Variants in AACS observed in about 807,000 individuals in gnomAD.
AACS encodes the protein acetoacetate-CoA ligase.
A neutral mutation model predicts 83.1 loss-of-function variants in AACS; 69 were observed. The observed-to-expected ratio is 0.83, with a 90% CI of 0.68 to 1.01. The LOEUF is 1.01. Ranked by LOEUF, AACS falls within the 50% of genes least tolerant of loss-of-function variation. The probability of loss-of-function intolerance (pLI) is 0.00; values close to 1 mark genes in which losing one functional copy is unlikely to be tolerated. For missense variants in AACS, 866 were observed against 882.2 expected (o/e 0.98, Z 0.23); for synonymous variants, 333 against 343.4 (o/e 0.97, Z 0.33).
chr12:125,080,264 T>C (rs1819499393), intron 3 of AACS, among the ~76,000 whole-genome samples: 1 of 152,134 alleles, frequency 6.6e-6, no homozygotes, highest in African/African-American at 2.4e-5. Flanking sequence ...ACCCAATGTC[T>C]CAGACACTTC....
In AACS at chr12:125,113,375, A is replaced by G. The variant is rs1956990575; in HGVS notation, c.916-1102A>G. 6.6e-6 allele frequency among the ~76,000 whole-genome samples: 1 copy of G among 152,220 alleles called. No individual in the cohort carries two copies. Among genetic ancestry groups the G allele is most frequent in the African/African-American group, 2.4e-5 (1 of 41,460 alleles). On this transcript the variant is annotated intron_variant, in intron 8 of 17. Coordinates refer to ENST00000316519, the MANE Select transcript of AACS (RefSeq NM_023928.5). The surrounding 1 kb of genome is among the most constrained non-coding windows in gnomAD (Gnocchi z 4.8). The stretch of plus-strand genomic sequence containing the variant: ...TGGACCAGACTGAAGGGCAGTGGTC[A>G]CTGAAGGGGCAGCATCCCCGTCTGT...
intron 1 of AACS, among the ~76,000 whole-genome samples, chr12:125,067,634 CGCAGTTCTCCT>C (rs1955740318): frequency 6.6e-6 from 1 of 151,800 alleles, no homozygotes; most frequent in Non-Finnish European, 1.5e-5. Flanking sequence ...CCTGGGTTCA[CGCAGTTCTCCT>C]GCCTCAGCCT....
chr12:125,128,486 C>A, intron 13 of AACS: 1 of 426,162 alleles, frequency 2.3e-6, no homozygotes, highest in South Asian at 5.2e-5. Flanking sequence ...CAGGGTCGAG[C>A]TGGAGGACAG....
chr12:125,106,070 C>G (rs1248541508), intron 7 of AACS, among the ~76,000 whole-genome samples: 4 of 152,298 alleles, frequency 2.6e-5, no homozygotes, highest in South Asian at 4.2e-4. Context: ...TTTAAGGATG[C>G]CTTCTCATGC....
At chr12:125,131,064 G>A (rs75239828) in intron 14 of AACS, among the ~76,000 whole-genome samples, 5,016 of 152,248 alleles carry the variant, frequency 0.033, 294 homozygotes, top group African/African-American at 0.11. Flanking sequence ...TCCACAACTC[G>A]GAGTGGGTTT....
intron 17 of AACS, among the ~76,000 whole-genome samples, chr12:125,137,530 A>G (rs1957417842): frequency 6.6e-6 from 1 of 152,218 alleles, no homozygotes; most frequent in African/African-American, 2.4e-5. Flanking sequence ...GTTGCCTTTT[A>G]GTTTTAAGTT....
At chr12:125,141,903 G>GT (rs1465640054) in intron 17 of AACS, among the ~76,000 whole-genome samples, 189 bp from the exon 18 acceptor site, 1 of 151,986 alleles carries the variant, frequency 6.6e-6, no homozygotes, top group Non-Finnish European at 1.5e-5. Flanking sequence ...CAGAGAGACA[G>GT]TGGTCAGTTC....
chr12:125,121,360 A>T (rs1237310355), intron 10 of AACS: 1 of 152,256 alleles, frequency 6.6e-6, no homozygotes, highest in African/African-American at 2.4e-5. Context: ...TAACAGTTGA[A>T]AGCAGTCATG....
intron 7 of AACS, among the ~76,000 whole-genome samples, chr12:125,106,427 A>G (rs1194833350): frequency 2.0e-5 from 3 of 152,204 alleles, no homozygotes; most frequent in Non-Finnish European, 1.5e-5. Context: ...GTGACAGTCA[A>G]TAGCTGGGAT....
Position 125,103,068 on chromosome 12 carries a change from A to G in AACS, c.754A>G (p.Lys252Glu), listed in dbSNP as rs1475418232. The G allele has an allele frequency of 6.2e-7, 1 of 1,613,938 alleles. No homozygotes were observed. The highest frequency in any genetic ancestry group is 8.5e-7 in the Non-Finnish European group (1 of 1,179,974). The change falls in exon 7 of 18, where the codon AAG becomes GAG. Residue 252 changes from lysine (K) to glutamate (E), a missense_variant. Transcript: ENST00000316519. Reference sequence around the variant, plus strand: ...CTCCAGAGAGAACATAGACCTTTCAAAGATTCCAAACAGGTAATGTACCGC... The same window carrying G: ...CTCCAGAGAGAACATAGACCTTTCAGAGATTCCAAACAGGTAATGTACCGC... ...VSSRENIDLS[K>E]IPNSVFLDDF...
chr12:125,128,369 C>T (rs1957279040), intron 13 of AACS, 95 bp downstream of exon 13: 1 of 1,118,334 alleles, frequency 8.9e-7, no homozygotes, highest in Non-Finnish European at 1.3e-6. Flanking sequence ...CATAGTTCTC[C>T]AAAACAGCCC....
At position 125,142,473 on chromosome 12, in the gene AACS, G is replaced by A. The variant is rs1234106318; in HGVS notation, c.*244G>A. The A allele has an allele frequency of 2.8e-5, 15 of 541,762 alleles. No homozygotes were observed. In the East Asian group the frequency reaches 4.2e-4, roughly 15 times the overall value. 33.6% of individuals were successfully genotyped at this position (541,762 alleles called of 1,614,324 possible). On this transcript the variant is annotated 3_prime_UTR_variant, in exon 18 of 18. Coordinates refer to ENST00000316519, the MANE Select transcript of AACS (RefSeq NM_023928.5). ...GTCTGGGCCGCAGGTGTGGCACTGT[G>A]GTGAGAGTGTGTGTCTTTGCACACA...
chr12:125,120,582 C>T (rs528278374), intron 10 of AACS: 1 of 152,226 alleles, frequency 6.6e-6, no homozygotes, highest in South Asian at 2.1e-4. Flanking sequence ...ACCCTTTTAC[C>T]CTTAAGCCAG....
chr12:125,076,751 CTTTAT>C (rs1201170697), intron 3 of AACS, 140 bp downstream of exon 3: 4 of 1,376,644 alleles, frequency 2.9e-6, no homozygotes, highest in Non-Finnish European at 3.9e-6. Flanking sequence ...TTTCTGTCGA[CTTTAT>C]TTTTGCTGGG....
At chr12:125,079,839 T>C (rs959414842) in intron 3 of AACS, among the ~76,000 whole-genome samples, 1 of 152,126 alleles carries the variant, frequency 6.6e-6, no homozygotes, top group South Asian at 2.1e-4. Context: ...GGAAACCCCA[T>C]ACCAATTAGC....
At chr12:125,115,044 C>T (rs1285526621) in intron 9 of AACS, among the ~76,000 whole-genome samples, 2 of 152,212 alleles carry the variant, frequency 1.3e-5, no homozygotes, top group Non-Finnish European at 2.9e-5. Context: ...GGGCCCGCTC[C>T]TCCGCCCACC....
Position 125,118,782 on chromosome 12 carries a change from T to C in AACS, c.1121+17T>C. ...CAGGATAGGGTAGGTACCAAGATGC[T>C]GTGCTCAAAGCAAGGGACAGGCAGC... On this transcript the variant is annotated intron_variant, in intron 10 of 17. Coordinates refer to ENST00000316519, the MANE Select transcript of AACS (RefSeq NM_023928.5). The C allele has an allele frequency of 1.2e-6, 2 of 1,613,554 alleles. No homozygotes were observed. The highest frequency in any genetic ancestry group is 1.7e-6 in the Non-Finnish European group (2 of 1,179,714).
intron 1 of AACS, among the ~76,000 whole-genome samples, chr12:125,073,366 G>A (rs1955929046): frequency 6.6e-6 from 1 of 152,150 alleles, no homozygotes; most frequent in Non-Finnish European, 1.5e-5. Context: ...GAACTTCTGG[G>A]TTTTCCAATG....
At chr12:125,109,125 A>C (rs61430222) in intron 8 of AACS, among the ~76,000 whole-genome samples, 1 of 151,594 alleles carries the variant, frequency 6.6e-6, no homozygotes, top group East Asian at 1.9e-4. Context: ...AACATTTTCA[A>C]CGTCCTTTTG....
Sources: allele counts gnomAD v4.1 joint callset (sites outside exome capture counted in the v4.1 genomes callset), GRCh38; gene constraint gnomAD v4.1.1; non-coding constraint Gnocchi (gnomAD v3.1); transcripts MANE v1.5; gene names NCBI Gene and HGNC (gene_info 2026-07-23, HGNC 2026-07-21).